The following GABRB3 variants were observed in gnomAD, a reference collection of about 807,000 sequenced individuals.
GABRB3 encodes gamma-aminobutyric acid receptor subunit beta-3.
Under a neutral mutation model 52.1 loss-of-function variants are expected in GABRB3, and 14 were observed. That is an observed-to-expected ratio of 0.27 (90% CI 0.18 to 0.42). The LOEUF (loss-of-function observed/expected upper bound fraction) is 0.42, where lower values mean the gene tolerates loss of function less well. Among genes scored for constraint, GABRB3 ranks in the 10% least tolerant of loss-of-function variants. GABRB3 has a pLI of 1.00. For synonymous variants in GABRB3, 260 were observed against 232.3 expected (o/e 1.12, Z -1.08); for missense variants, 307 against 609.1 (o/e 0.50, Z 5.22).
chr15:26,580,175 G>A lies in GABRB3; in HGVS notation c.682+144C>T, dbSNP rs896638339. The stretch of plus-strand genomic sequence containing the variant: ...ATCACTCTCCTTTAGATACAGAGAG[G>A]AGGGGTGTGTGTGATGTGTGAATGA... On this transcript the variant is annotated intron_variant, in intron 6 of 8. Coordinates refer to ENST00000311550, the MANE Select transcript of GABRB3 (RefSeq NM_000814.6). 17 of 961,332 alleles carry A rather than the reference G, an allele frequency of 1.8e-5. No homozygotes were observed. The African/African-American group carries it at 2.4e-4, about 14-fold the overall frequency. The allele number at this position is 961,332 out of a possible 1,614,324, so 59.6% of individuals were successfully genotyped here. A position where few individuals can be genotyped will look rare whatever the true frequency, so the allele number is the denominator to read the frequency against.
chr15:26,649,695 T>TGTGTGTGTGA (rs1277727985), intron 3 of GABRB3, among the ~76,000 whole-genome samples: 5 of 149,070 alleles, frequency 3.4e-5, no homozygotes, highest in African/African-American at 7.5e-5. Context: ...TGTGTGTGTG[T>TGTGTGTGTGA]GAAATTAGAG....
In GABRB3 at chr15:26,667,872, G is replaced by A. The variant is rs140698239; in HGVS notation, c.241-46338C>T. 2.6e-3 allele frequency among the ~76,000 whole-genome samples: 395 copies of A among 152,318 alleles called. 1 individual carries two copies. Among genetic ancestry groups the A allele is most frequent in the Non-Finnish European group, 4.2e-3 (286 of 68,030 alleles). ...TGAGAACCTTGGGTCTGCAAATCCC[G>A]TATGAAGTAGGAAGTCCAGATGCAA... On this transcript the variant is annotated intron_variant, in intron 3 of 8. Transcript: ENST00000311550.
intron 3 of GABRB3, chr15:26,624,299 G>A: frequency 1.0e-6 from 1 of 985,640 alleles, no homozygotes; most frequent in Non-Finnish European, 1.2e-6. Context: ...GGCGACCACA[G>A]AGTTTCTCTA....
intron 3 of GABRB3, among the ~76,000 whole-genome samples, chr15:26,679,105 C>T (rs1888158684): frequency 6.6e-6 from 1 of 152,088 alleles, no homozygotes; most frequent in Non-Finnish European, 1.5e-5. Flanking sequence ...ATATCATTGG[C>T]GATGAAACCA....
intron 3 of GABRB3, among the ~76,000 whole-genome samples, chr15:26,713,761 G>A (rs543928889): frequency 2.6e-5 from 4 of 152,320 alleles, no homozygotes; most frequent in South Asian, 2.1e-4. Flanking sequence ...GAGCTTATGT[G>A]CAAGTGAGCA....
At chr15:26,659,321 A>G (rs1245192974) in intron 3 of GABRB3, among the ~76,000 whole-genome samples, 1 of 152,100 alleles carries the variant, frequency 6.6e-6, no homozygotes, top group Admixed American at 6.5e-5. Context: ...TCAGGAGTTC[A>G]AGAACAGCCT....
intron 4 of GABRB3, among the ~76,000 whole-genome samples, chr15:26,619,657 T>G (rs1595488224): frequency 6.6e-6 from 1 of 151,316 alleles, no homozygotes. Flanking sequence ...ACCCTAAAAC[T>G]TAAAGTATAA....
chr15:26,550,901 T>C (rs1567093438), intron 8 of GABRB3, among the ~76,000 whole-genome samples: 1 of 152,276 alleles, frequency 6.6e-6, no homozygotes, highest in Admixed American at 6.5e-5. Context: ...AAAACTACTA[T>C]AGGAGGTGAG....
At chr15:26,711,798 C>T (rs1221474084) in intron 3 of GABRB3, among the ~76,000 whole-genome samples, 6 of 152,136 alleles carry the variant, frequency 3.9e-5, no homozygotes, top group African/African-American at 1.2e-4. Flanking sequence ...AAGTAGCGAA[C>T]GTAATGAAAT....
At chr15:26,588,065 C>A (rs548449897) in intron 4 of GABRB3, among the ~76,000 whole-genome samples, 2 of 151,996 alleles carry the variant, frequency 1.3e-5, no homozygotes, top group African/African-American at 2.4e-5. Context: ...TCTGTGACTA[C>A]GAGGTATGTT....
chr15:26,725,832 G>A (rs1213116230), intron 3 of GABRB3, among the ~76,000 whole-genome samples: 6 of 152,126 alleles, frequency 3.9e-5, no homozygotes, highest in Non-Finnish European at 8.8e-5. Flanking sequence ...ATAATTTTGT[G>A]CATGAAACAA....
intron 3 of GABRB3, among the ~76,000 whole-genome samples, chr15:26,713,600 G>C (rs1443396022): frequency 5.3e-5 from 8 of 152,208 alleles, no homozygotes; most frequent in Non-Finnish European, 1.0e-4. Context: ...TTCTCCAAGA[G>C]GGGCCAACAG....
chr15:26,593,282 A>G (rs561303177), intron 4 of GABRB3, among the ~76,000 whole-genome samples: 164 of 152,310 alleles, frequency 1.1e-3, no homozygotes, highest in Non-Finnish European at 1.9e-3. Context: ...TTACACTTAA[A>G]CATGAAACAA....
At chr15:26,554,127 G>GTGTATATATATATATATAAAGTATA (rs1555400818) in intron 8 of GABRB3, among the ~76,000 whole-genome samples, 1 of 22,580 alleles carries the variant, frequency 4.4e-5, no homozygotes, top group Non-Finnish European at 8.8e-5. Context: ...AAGTGTGTGT[G>GTGTATATATATATATATAAAGTATA]TATATATATA....
chr15:26,591,167 A>G (rs941511966), intron 4 of GABRB3, among the ~76,000 whole-genome samples: 1 of 152,176 alleles, frequency 6.6e-6, no homozygotes, highest in Admixed American at 6.5e-5. Context: ...CCAGACACAC[A>G]AGCAATGAGC....
chr15:26,723,878 TG>T (rs1889704920), intron 3 of GABRB3, among the ~76,000 whole-genome samples: 1 of 152,094 alleles, frequency 6.6e-6, no homozygotes, highest in Non-Finnish European at 1.5e-5. Flanking sequence ...GTAAACCAAT[TG>T]TACCAGTGTT....
intron 3 of GABRB3, among the ~76,000 whole-genome samples, chr15:26,718,905 C>G (rs960660707): frequency 6.6e-6 from 1 of 152,118 alleles, no homozygotes; most frequent in African/African-American, 2.4e-5. Flanking sequence ...CTGCCTCTCC[C>G]CACACTTGCT....
chr15:26,717,663 C>T (rs1889531735), intron 3 of GABRB3, among the ~76,000 whole-genome samples: 1 of 152,158 alleles, frequency 6.6e-6, no homozygotes, highest in Non-Finnish European at 1.5e-5. Flanking sequence ...GGCTCCCTCC[C>T]TCACCCATCA....
At chr15:26,768,003 TATTTCAC>T (rs1383234553) in intron 3 of GABRB3, among the ~76,000 whole-genome samples, 2 of 150,670 alleles carry the variant, frequency 1.3e-5, no homozygotes, top group Non-Finnish European at 1.5e-5. Context: ...TATGCACACT[TATTTCAC>T]ACCTACACAT....
Sources: allele counts gnomAD v4.1 joint callset (sites outside exome capture counted in the v4.1 genomes callset), GRCh38; gene constraint gnomAD v4.1.1; transcripts MANE v1.5; gene names NCBI Gene and HGNC (gene_info 2026-07-23, HGNC 2026-07-21).